ZNF277: variants seen among roughly 807,000 people sequenced by gnomAD.
ZNF277 encodes nuclear receptor-interacting factor 4.
In ZNF277, 55 loss-of-function variants were observed where a neutral mutation model predicts 60.7. That is an observed-to-expected ratio of 0.91 (90% confidence interval 0.73 to 1.13). The LOEUF is 1.13. Among genes scored for constraint, ZNF277 ranks in the 50% most tolerant of loss-of-function variants. The probability of loss-of-function intolerance (pLI) is 0.00; values close to 1 mark genes in which losing one functional copy is unlikely to be tolerated. For missense variants in ZNF277, 510 were observed against 523.0 expected (o/e 0.98, Z 0.24); for synonymous variants, 178 against 179.3 (o/e 0.99, Z 0.06).
chr7:112,266,778 G>T (rs989750668), intron 1 of ZNF277, among the ~76,000 whole-genome samples: 3 of 152,004 alleles, frequency 2.0e-5, no homozygotes, highest in Non-Finnish European at 4.4e-5. Flanking sequence ...CAGTGTTGTG[G>T]TTTTTTTCGG....
At chr7:112,342,360 AG>A (rs1793460310) in intron 11 of ZNF277, among the ~76,000 whole-genome samples, 200 bp from the exon 12 acceptor site, 1 of 152,198 alleles carries the variant, frequency 6.6e-6, no homozygotes, top group South Asian at 2.1e-4. Context: ...AAATCTGGAT[AG>A]TAGATTTGGT....
chr7:112,206,932 C>T (rs1389796910), intron 1 of ZNF277, 125 bp downstream of exon 1: 30 of 920,300 alleles, frequency 3.3e-5, no homozygotes, highest in Non-Finnish European at 4.7e-5. Context: ...TCGACTGGGC[C>T]CCACGGGTGG....
At chr7:112,312,947 T>A (rs980374898) in intron 4 of ZNF277, among the ~76,000 whole-genome samples, 17 of 152,162 alleles carry the variant, frequency 1.1e-4, no homozygotes, top group Non-Finnish European at 1.6e-4. Context: ...AAATATTTTT[T>A]TCATATTTTA....
At chr7:112,278,827 T>C (rs1457637887) in intron 1 of ZNF277, among the ~76,000 whole-genome samples, 1 of 152,200 alleles carries the variant, frequency 6.6e-6, no homozygotes, top group African/African-American at 2.4e-5. Flanking sequence ...TGTACATTAT[T>C]GTACAACAGA....
chr7:112,256,766 G>A (rs1791320703), intron 1 of ZNF277, among the ~76,000 whole-genome samples: 1 of 152,042 alleles, frequency 6.6e-6, no homozygotes, highest in South Asian at 2.1e-4. Context: ...GTTTAAAGCT[G>A]GGGAATGGGA....
chr7:112,306,738 C>A (rs1792605605), intron 4 of ZNF277, among the ~76,000 whole-genome samples: 1 of 151,766 alleles, frequency 6.6e-6, no homozygotes, highest in African/African-American at 2.4e-5. Context: ...AAGAAAAGGC[C>A]TCCATTTTCA....
intron 1 of ZNF277, among the ~76,000 whole-genome samples, chr7:112,235,198 T>C (rs1264490189): frequency 6.6e-6 from 1 of 152,186 alleles, no homozygotes; most frequent in African/African-American, 2.4e-5. Flanking sequence ...GTTGAGGTCT[T>C]CAGTCTGCCT....
chr7:112,293,859 C>A (rs186616243), intron 2 of ZNF277, among the ~76,000 whole-genome samples: 1 of 152,308 alleles, frequency 6.6e-6, no homozygotes, highest in East Asian at 1.9e-4. Flanking sequence ...GCAACCAGGA[C>A]TGACGATCCA....
At chr7:112,217,434 C>T (rs1379222951) in intron 1 of ZNF277, among the ~76,000 whole-genome samples, 1 of 152,190 alleles carries the variant, frequency 6.6e-6, no homozygotes, top group Non-Finnish European at 1.5e-5. Flanking sequence ...GAAAGTAGAT[C>T]ATACTGTCTC....
At chr7:112,238,814 A>G (rs1315640846) in intron 1 of ZNF277, among the ~76,000 whole-genome samples, 5 of 142,118 alleles carry the variant, frequency 3.5e-5, no homozygotes, top group Admixed American at 1.4e-4. Context: ...TTTTATTTCA[A>G]TAGATTTTTA....
intron 1 of ZNF277, among the ~76,000 whole-genome samples, chr7:112,282,066 T>G (rs1335392380): frequency 6.6e-6 from 1 of 152,084 alleles, no homozygotes; most frequent in African/African-American, 2.4e-5. Context: ...CTCCTGACCT[T>G]GCGATCTGCC....
chr7:112,284,176 T>C (rs1792009618), intron 1 of ZNF277, among the ~76,000 whole-genome samples: 1 of 152,232 alleles, frequency 6.6e-6, no homozygotes, highest in Admixed American at 6.5e-5. Flanking sequence ...GAAAATGTCC[T>C]AACACACCTT....
At chr7:112,232,083 A>ATATATATATATT (rs1822353987) in intron 1 of ZNF277, among the ~76,000 whole-genome samples, 1 of 125,196 alleles carries the variant, frequency 8.0e-6, no homozygotes, top group African/African-American at 2.9e-5. Context: ...ATATATATAT[A>ATATATATATATT]TTCCCTTAAC....
intron 1 of ZNF277, among the ~76,000 whole-genome samples, chr7:112,222,715 A>G (rs1822064959): frequency 6.6e-6 from 1 of 152,172 alleles, no homozygotes; most frequent in Admixed American, 6.5e-5. Context: ...TGGGATATGA[A>G]TAGGCATGTG....
intron 7 of ZNF277, among the ~76,000 whole-genome samples, chr7:112,330,668 A>G (rs1793210134): frequency 6.7e-6 from 1 of 149,724 alleles, no homozygotes. Flanking sequence ...GGTATCAAGC[A>G]ATTCTCCTGC....
rs1821761391 is a variant in ZNF277, at chr7:112,212,003, AT to A, written c.91+5197del. ...TTTTGAGCAGAGGAACTGAAGTAGAATAAAAAACTGAATAGATGTTTTATGC... is the reference window on the plus strand; with the variant it reads ...TTTTGAGCAGAGGAACTGAAGTAGAAAAAAAACTGAATAGATGTTTTATGC... On this transcript the variant is annotated intron_variant, in intron 1 of 11. Transcript: ENST00000361822. 2.0e-5 allele frequency among the ~76,000 whole-genome samples: 3 copies of A among 152,262 alleles called. No individual in the cohort carries two copies. The South Asian group carries it at 6.2e-4, about 31-fold the overall frequency.
rs571424583 is a variant in ZNF277, at chr7:112,287,234, G to A, written c.293+160G>A. The A allele has an allele frequency of 2.1e-5, 14 of 667,792 alleles. No homozygotes were observed. The South Asian group carries it at 2.5e-4, about 12-fold the overall frequency. 41.4% of individuals were successfully genotyped at this position (667,792 alleles called of 1,614,324 possible). The stretch of plus-strand genomic sequence containing the variant: ...AAAACAAAATTTAAAAATTATCTAG[G>A]ATCAATGGCATGCACCTGTAGTTCC... On this transcript the variant is annotated intron_variant, in intron 2 of 11. Coordinates refer to ENST00000361822, the MANE Select transcript of ZNF277 (RefSeq NM_021994.3).
At chr7:112,278,204 A>G (rs10229978) in intron 1 of ZNF277, among the ~76,000 whole-genome samples, 8,774 of 152,242 alleles carry the variant, frequency 0.058, 677 homozygotes, top group African/African-American at 0.18. Context: ...ACAGAATGCA[A>G]AAGCCTTAGA....
chr7:112,311,716 G>GA (rs11372217), intron 4 of ZNF277, among the ~76,000 whole-genome samples: 8,798 of 147,342 alleles, frequency 0.06, 685 homozygotes, highest in African/African-American at 0.18. Flanking sequence ...GTAAGGGAAA[G>GA]AAAAAAAAAG....
Sources: gnomAD v4.1 joint callset for allele counts (sites outside exome capture counted in the v4.1 genomes callset) on GRCh38, gnomAD v4.1.1 for gene constraint, MANE v1.5 for transcripts, NCBI Gene and HGNC (gene_info 2026-07-23, HGNC 2026-07-21) for gene names.